The following CECR2 variants were observed in gnomAD, a reference collection of about 807,000 sequenced individuals.
CECR2 encodes the protein CECR2 histone acetyl-lysine reader, also known as chromatin remodeling regulator CECR2.
Under a neutral mutation model 154.5 loss-of-function variants are expected in CECR2, and 30 were observed. That is an observed-to-expected ratio of 0.19 (90% CI 0.15 to 0.26). CECR2 has a LOEUF of 0.26. Among genes scored for constraint, CECR2 ranks in the 10% least tolerant of loss-of-function variants. CECR2 has a pLI of 1.00. For synonymous variants in CECR2, 725 were observed against 683.7 expected (o/e 1.06, Z -0.94); for missense variants, 1,743 against 1,829.3 (o/e 0.95, Z 0.86).
chr22:17,506,700 G>C (rs112965621), intron 7 of CECR2, among the ~76,000 whole-genome samples: 4,606 of 152,102 alleles, frequency 0.03, 97 homozygotes, highest in Non-Finnish European at 0.049. Context: ...GTCACTCAGG[G>C]TGGAGTGCAG....
Position 17,383,371 on chromosome 22 carries a change from A to G in CECR2, c.126+13462A>G, listed in dbSNP as rs1266366746. On this transcript the variant is annotated intron_variant, in intron 1 of 18. Coordinates refer to ENST00000262608, the MANE Select transcript of CECR2 (RefSeq NM_001290047.2). ...CATTTGATAGCATTTAACCCACAGTAAAACTTCTTTCAAAATTGAAGTTGG... is the reference window on the plus strand; with the variant it reads ...CATTTGATAGCATTTAACCCACAGTGAAACTTCTTTCAAAATTGAAGTTGG... Among the ~76,000 whole-genome samples, 3 of 152,256 alleles carry G rather than the reference A, an allele frequency of 2.0e-5. No individual in the cohort carries two copies. In the East Asian group the frequency reaches 5.8e-4, roughly 29 times the overall value.
At chr22:17,461,191 G>C (rs1020063432) in intron 1 of CECR2, among the ~76,000 whole-genome samples, 5 of 152,156 alleles carry the variant, frequency 3.3e-5, no homozygotes, top group African/African-American at 4.8e-5. Flanking sequence ...TATGAGGAAA[G>C]CTTCTCTTCT....
At chr22:17,360,089 A>G (rs2062968196) in intron 1 of CECR2, 1 of 152,288 alleles carries the variant, frequency 6.6e-6, no homozygotes, top group Non-Finnish European at 1.5e-5. Context: ...GGGAAAAATC[A>G]GGATCAGGAA....
intron 5 of CECR2, among the ~76,000 whole-genome samples, chr22:17,502,105 G>GA (rs1246961917): frequency 6.6e-6 from 1 of 152,122 alleles, no homozygotes; most frequent in Non-Finnish European, 1.5e-5. Context: ...GGATACAAGT[G>GA]AAAATGATAC....
At chr22:17,389,849 A>G (rs996850422) in intron 1 of CECR2, among the ~76,000 whole-genome samples, 2 of 152,000 alleles carry the variant, frequency 1.3e-5, no homozygotes, top group African/African-American at 4.8e-5. Flanking sequence ...GCTGGTCTTG[A>G]ACTCCTGACC....
rs532482148 is a variant in CECR2, at chr22:17,495,577, A to AC, written c.222-1826_222-1825insC. Among the ~76,000 whole-genome samples the AC allele has an allele frequency of 1.5e-3, 228 of 150,342 alleles. 1 individual carries two copies. The highest frequency in any genetic ancestry group is 5.3e-3 in the African/African-American group (217 of 40,884). Reference sequence around the variant, plus strand: ...AGAGCAAAACTCCATTAAAAAAAAAAAAAAAACGGGTGTGGTGGCTCACGC... The same window carrying AC: ...AGAGCAAAACTCCATTAAAAAAAAAACAAAAAACGGGTGTGGTGGCTCACGC... On this transcript the variant is annotated intron_variant, in intron 2 of 18. Coordinates refer to ENST00000262608, the MANE Select transcript of CECR2 (RefSeq NM_001290047.2).
rs576379210 is a variant in CECR2 at position 17,364,108 on chromosome 22, C to T, written c.-364+4085C>T. 2.1e-3 allele frequency among the ~76,000 whole-genome samples: 324 copies of T among 152,002 alleles called. 1 individual carries two copies. The highest frequency in any genetic ancestry group is 7.5e-3 in the African/African-American group (313 of 41,470). Reference sequence around the variant, plus strand: ...CCTGTAATCCCAGCACTTTGGGAGGCCGAGGCGGGCAGATCACGAGGTCAG... The same window carrying T: ...CCTGTAATCCCAGCACTTTGGGAGGTCGAGGCGGGCAGATCACGAGGTCAG... On this transcript the variant is annotated intron_variant, in intron 1 of 18. Transcript: ENST00000400585.
At chr22:17,434,645 C>T (rs931740339) in intron 1 of CECR2, among the ~76,000 whole-genome samples, 1 of 148,300 alleles carries the variant, frequency 6.7e-6, no homozygotes. Flanking sequence ...TATGCCCGCA[C>T]CCCCCCTGCT....
Position 17,511,858 on chromosome 22 carries a change from A to T in CECR2, c.916A>T (p.Met306Leu), listed in dbSNP as rs1012421246. Residue 306 changes from methionine (M) to leucine (L), a missense_variant, in exon 8 of 19, where the codon ATG becomes TTG. By Grantham distance (15) the Met-to-Leu change is conservative. Transcript: ENST00000262608. ...AAAGGCAGAGTTGCATCCTAGGTGG[A>T]TGTCTGACCACCTGTCCATCAAACC... ...RTKAELHPRW[M>L]SDHLSIKPVK... 1.6e-5 allele frequency: 26 copies of T among 1,611,680 alleles called. No individual in the cohort carries two copies. Among genetic ancestry groups the T allele is most frequent in the Non-Finnish European group, 2.0e-5 (24 of 1,178,542 alleles).
At chr22:17,471,067 G>A (rs2055119468) in intron 1 of CECR2, among the ~76,000 whole-genome samples, 1 of 152,166 alleles carries the variant, frequency 6.6e-6, no homozygotes, top group Non-Finnish European at 1.5e-5. Context: ...TAAGAGTCAT[G>A]CAAGTATTTA....
chr22:17,364,418 A>G (rs2062991524), intron 1 of CECR2, among the ~76,000 whole-genome samples: 1 of 151,720 alleles, frequency 6.6e-6, no homozygotes, highest in African/African-American at 2.4e-5. Flanking sequence ...TGCTAACATA[A>G]TGTTTATACT....
chr22:17,487,156 A>G (rs1045931969), intron 2 of CECR2, among the ~76,000 whole-genome samples: 5 of 152,192 alleles, frequency 3.3e-5, no homozygotes, highest in East Asian at 1.9e-4. Flanking sequence ...TTGCAACACT[A>G]CATACTTTTT....
At chr22:17,477,055 G>A (rs772973636) in intron 1 of CECR2, 3 of 711,090 alleles carry the variant, frequency 4.2e-6, no homozygotes, top group African/African-American at 1.8e-5. Context: ...AGCCATGTAG[G>A]TGTGGCATCC....
At chr22:17,447,603 TAAATA>T (rs2054695030) in intron 1 of CECR2, among the ~76,000 whole-genome samples, 1 of 139,220 alleles carries the variant, frequency 7.2e-6, no homozygotes, top group African/African-American at 2.8e-5. Flanking sequence ...ATAGGAGTAA[TAAATA>T]AAATAAAATC....
chr22:17,527,381 C>G (rs2056282539), intron 9 of CECR2, among the ~76,000 whole-genome samples: 1 of 152,132 alleles, frequency 6.6e-6, no homozygotes, highest in Non-Finnish European at 1.5e-5. Flanking sequence ...TAGCTTGAGC[C>G]TGGGAGGTCC....
At chr22:17,512,707 G>A (rs11089183) in intron 8 of CECR2, among the ~76,000 whole-genome samples, 11 of 122,468 alleles carry the variant, frequency 9.0e-5, no homozygotes, top group African/African-American at 1.0e-4. Context: ...CTCTGTCTCA[G>A]AAAAAAAAAA....
intron 2 of CECR2, among the ~76,000 whole-genome samples, chr22:17,481,809 A>G (rs565845154): frequency 7.2e-5 from 11 of 152,158 alleles, no homozygotes; most frequent in South Asian, 2.1e-4. Flanking sequence ...GTGCGCTACC[A>G]GTCATATAAA....
intron 17 of CECR2, among the ~76,000 whole-genome samples, chr22:17,551,009 T>C (rs928905351): frequency 6.6e-6 from 1 of 152,178 alleles, no homozygotes; most frequent in Non-Finnish European, 1.5e-5. Context: ...AGTGTTCCCC[T>C]CCTCAGTGCC....
At chr22:17,523,678 C>G (rs1389433795) in intron 8 of CECR2, among the ~76,000 whole-genome samples, 4 of 148,802 alleles carry the variant, frequency 2.7e-5, no homozygotes, top group Admixed American at 2.0e-4. Flanking sequence ...ATGGCGTGAA[C>G]CCGGGAGGCA....
Sources: gnomAD v4.1 joint callset for allele counts (sites outside exome capture counted in the v4.1 genomes callset) on GRCh38, gnomAD v4.1.1 for gene constraint, MANE v1.5 for transcripts, NCBI Gene and HGNC (gene_info 2026-07-23, HGNC 2026-07-21) for gene names.